Variants in PTPRT observed in about 807,000 individuals in gnomAD.
The protein encoded by PTPRT is receptor-type tyrosine-protein phosphatase T.
Under a neutral mutation model 176.8 loss-of-function variants are expected in PTPRT, and 56 were observed. The ratio of observed to expected loss-of-function variants is 0.32; its 90% CI spans 0.26 to 0.40. PTPRT has a LOEUF of 0.40. Ranked by LOEUF, PTPRT falls within the 10% of genes least tolerant of loss-of-function variation. The pLI is 1.00. For synonymous variants in PTPRT, 783 were observed against 739.0 expected (o/e 1.06, Z -0.96); for missense variants, 1,540 against 1,908.2 (o/e 0.81, Z 3.60).
At chr20:42,559,238 C>G (rs1469378298) in intron 7 of PTPRT, among the ~76,000 whole-genome samples, 1 of 152,100 alleles carries the variant, frequency 6.6e-6, no homozygotes, top group Non-Finnish European at 1.5e-5. Flanking sequence ...TACAAGGATT[C>G]CAAGTTATAC....
At chr20:42,780,185 C>A (rs1362391443) in intron 4 of PTPRT, 33 bp downstream of exon 4, 24 of 1,564,052 alleles carry the variant, frequency 1.5e-5, no homozygotes, top group Non-Finnish European at 2.0e-5. Context: ...TGGCATGGAT[C>A]AAGGCTGTGT....
intron 1 of PTPRT, among the ~76,000 whole-genome samples, chr20:42,947,076 C>T (rs1980928809): frequency 6.6e-6 from 1 of 152,110 alleles, no homozygotes; most frequent in South Asian, 2.1e-4. Context: ...GATTTTGAGC[C>T]GTGCTTCCAA....
the PTPRT span, among the ~76,000 whole-genome samples, chr20:42,061,876 A>G: frequency 5.6e-3 from 846 of 152,364 alleles, 9 homozygotes; most frequent in African/African-American, 0.019. Flanking sequence ...CATTTTCTGC[A>G]GGCCTGATGC....
Position 42,276,536 on chromosome 20 carries a change from TA to T in PTPRT, c.2176+5952del, listed in dbSNP as rs1568731750. Among the ~76,000 whole-genome samples, 198 of 49,520 alleles carry T rather than the reference TA, an allele frequency of 4.0e-3. 13 individuals carry two copies. Among genetic ancestry groups the T allele is most frequent in the Admixed American group, 0.018 (100 of 5,440 alleles). 32.5% of individuals were successfully genotyped at this position (49,520 alleles called of 152,430 possible). A position where few individuals can be genotyped will look rare whatever the true frequency, so the allele number is the denominator to read the frequency against. ...ATATATATATATATATATATATATATATATATATATATATATATATATAATG... is the reference window on the plus strand; with the variant it reads ...ATATATATATATATATATATATATATTATATATATATATATATATATAATG... On this transcript the variant is annotated intron_variant, in intron 13 of 30. Transcript: ENST00000373187.
intron 16 of PTPRT, among the ~76,000 whole-genome samples, chr20:42,197,376 CA>C (rs3086756): frequency 0.028 from 932 of 33,104 alleles, 2 homozygotes; most frequent in African/African-American, 0.11. Flanking sequence ...GAGACTCCAT[CA>C]AAAAAAAAAA....
chr20:42,667,235 G>A (rs6102978), intron 7 of PTPRT, among the ~76,000 whole-genome samples: 11,725 of 152,232 alleles, frequency 0.077, 508 homozygotes, highest in South Asian at 0.16. Context: ...CAGCTGTGCA[G>A]TTAAGGGTTC....
intron 6 of PTPRT, among the ~76,000 whole-genome samples, chr20:42,751,767 G>A (rs867957463): frequency 1.3e-5 from 2 of 152,222 alleles, no homozygotes; most frequent in Middle Eastern, 3.4e-3. Flanking sequence ...TTTCCCAGGG[G>A]CTCTCGGGCC....
chr20:42,190,808 A>T (rs1256797709), intron 16 of PTPRT, among the ~76,000 whole-genome samples: 1 of 152,190 alleles, frequency 6.6e-6, no homozygotes, highest in East Asian at 1.9e-4. Flanking sequence ...TGGGAATAAT[A>T]ACATCTACAG....
chr20:42,597,117 A>G (rs1437573305), intron 7 of PTPRT, among the ~76,000 whole-genome samples: 1 of 152,138 alleles, frequency 6.6e-6, no homozygotes, highest in Non-Finnish European at 1.5e-5. Flanking sequence ...GTCTTCTTCC[A>G]AGCGCACATA....
intron 2 of PTPRT, among the ~76,000 whole-genome samples, chr20:42,825,267 A>G (rs2077972468): frequency 6.6e-6 from 1 of 152,148 alleles, no homozygotes; most frequent in Admixed American, 6.5e-5. Context: ...ATGAGAAATC[A>G]TAACAAATAT....
At chr20:42,995,756 C>G (rs763783226) in intron 1 of PTPRT, among the ~76,000 whole-genome samples, 1 of 152,136 alleles carries the variant, frequency 6.6e-6, no homozygotes, top group Non-Finnish European at 1.5e-5. Context: ...CTTTCTCTTT[C>G]TTCATCCTTT....
At chr20:43,151,806 T>G (rs890554953) in intron 1 of PTPRT, among the ~76,000 whole-genome samples, 2 of 151,336 alleles carry the variant, frequency 1.3e-5, no homozygotes, top group African/African-American at 4.9e-5. Context: ...GAGGTTGCAG[T>G]GAGCCAAGAT....
chr20:42,816,964 G>A (rs191213962), intron 2 of PTPRT, among the ~76,000 whole-genome samples: 1 of 152,294 alleles, frequency 6.6e-6, no homozygotes, highest in East Asian at 1.9e-4. Context: ...TTGGGAGAAG[G>A]GGAGATCAAC....
intron 7 of PTPRT, among the ~76,000 whole-genome samples, chr20:42,620,832 C>T (rs2074180612): frequency 6.6e-6 from 1 of 152,116 alleles, no homozygotes; most frequent in Non-Finnish European, 1.5e-5. Context: ...TGGCCTGCGC[C>T]CACTGTCTGG....
chr20:43,098,547 CT>C (rs752767685), intron 1 of PTPRT, among the ~76,000 whole-genome samples: 18,212 of 141,582 alleles, frequency 0.13, 1,031 homozygotes, highest in South Asian at 0.2. Flanking sequence ...TCTTTTTTTT[CT>C]TTTTTTTTTT....
chr20:42,974,514 C>T (rs1353285846), intron 1 of PTPRT, among the ~76,000 whole-genome samples: 1 of 152,100 alleles, frequency 6.6e-6, no homozygotes, highest in Non-Finnish European at 1.5e-5. Context: ...TCCACACCCA[C>T]AGACACACAC....
chr20:42,702,021 C>T (rs373081254), intron 6 of PTPRT, among the ~76,000 whole-genome samples: 3 of 152,050 alleles, frequency 2.0e-5, no homozygotes, highest in South Asian at 4.2e-4. Flanking sequence ...CTTACCCTAA[C>T]CCGACTCTAA....
intron 13 of PTPRT, among the ~76,000 whole-genome samples, chr20:42,257,191 GA>G (rs199517980): frequency 0.018 from 2,751 of 152,258 alleles, 39 homozygotes; most frequent in Non-Finnish European, 0.025. Flanking sequence ...GTAAGTCAGG[GA>G]GAATGTCCAG....
At chr20:42,915,163 C>A (rs926103262) in intron 1 of PTPRT, among the ~76,000 whole-genome samples, 2 of 152,226 alleles carry the variant, frequency 1.3e-5, no homozygotes, top group Admixed American at 1.3e-4. Context: ...AAAATCACTC[C>A]CCAGATTACA....
Sources: allele counts gnomAD v4.1 joint callset (sites outside exome capture counted in the v4.1 genomes callset), GRCh38; gene constraint gnomAD v4.1.1; transcripts MANE v1.5; gene names NCBI Gene and HGNC (gene_info 2026-07-23, HGNC 2026-07-21).